Variants in CLP1 observed in about 807,000 individuals in gnomAD.
CLP1 encodes the protein cleavage factor polyribonucleotide kinase subunit 1.
Under a neutral mutation model 29.9 loss-of-function variants are expected in CLP1, and 18 were observed. The ratio of observed to expected loss-of-function variants is 0.60; its 90% CI spans 0.42 to 0.89. CLP1 has a LOEUF of 0.89. Among genes scored for constraint, CLP1 ranks in the 40% least tolerant of loss-of-function variants. The probability of loss-of-function intolerance (pLI) is 0.00; values close to 1 mark genes in which losing one functional copy is unlikely to be tolerated. For synonymous variants in CLP1, 162 were observed against 206.2 expected, an observed-to-expected ratio of 0.79 and a Z score of 1.84; for missense variants, 357 against 544.8, an observed-to-expected ratio of 0.66 and a Z score of 3.43.
At position 57,661,459 on chromosome 11, in the gene CLP1, CCTGGGACATAGAGATCAT is replaced by C. The variant is rs1419398538; in HGVS notation, c.*28_*45del. On this transcript the variant is annotated 3_prime_UTR_variant, in exon 3 of 3. Transcript: ENST00000533682. Reference sequence around the variant, plus strand: ...TAGAGATCAGCAGGAAGCCTTGCTGCCTGGGACATAGAGATCATCTGGCCACCCCTAGAGGCAGATGGG... The same window carrying C: ...TAGAGATCAGCAGGAAGCCTTGCTGCCTGGCCACCCCTAGAGGCAGATGGG... 1 of 1,580,626 alleles carries C rather than the reference CCTGGGACATAGAGATCAT, an allele frequency of 6.3e-7. No individual in the cohort carries two copies. Among genetic ancestry groups the C allele is most frequent in the Non-Finnish European group, 8.6e-7 (1 of 1,161,158 alleles).
chr11:57,659,144 C>G (rs1442057405), intron 1 of CLP1, among the ~76,000 whole-genome samples: 1 of 148,096 alleles, frequency 6.8e-6, no homozygotes, highest in Non-Finnish European at 1.5e-5. Context: ...CATGCAGTGG[C>G]ACAATCTCGG....
chr11:57,658,057 C>G (rs993860501), intron 1 of CLP1, among the ~76,000 whole-genome samples, 197 bp downstream of exon 1: 3 of 152,074 alleles, frequency 2.0e-5, no homozygotes, highest in Non-Finnish European at 4.4e-5. Flanking sequence ...TTACGAAGTG[C>G]TTTTTTTTCC....
At chr11:57,659,171 C>T (rs1945849062) in intron 1 of CLP1, among the ~76,000 whole-genome samples, 2 of 150,334 alleles carry the variant, frequency 1.3e-5, no homozygotes, top group African/African-American at 4.9e-5. Flanking sequence ...GCAGCCTCTG[C>T]CACCTGGGTT....
Position 57,661,610 on chromosome 11 carries a change from T to G in CLP1, c.*174T>G. 1 of 592,836 alleles carries G rather than the reference T, an allele frequency of 1.7e-6. No individual in the cohort carries two copies. Among genetic ancestry groups the G allele is most frequent in the South Asian group, 2.2e-5 (1 of 44,664 alleles). 36.7% of individuals were successfully genotyped at this position (592,836 alleles called of 1,614,324 possible). A position where few individuals can be genotyped will look rare whatever the true frequency, so the allele number is the denominator to read the frequency against. ...AGTGGTAACCTGACTCTTCTAATCT[T>G]GAACCAAAAGGAAAACCATGAGACT... On this transcript the variant is annotated 3_prime_UTR_variant, in exon 3 of 3. Transcript: ENST00000533682.
chr11:57,659,338 C>T (rs1945851442), intron 1 of CLP1, 117 bp from the exon 2 acceptor site: 1 of 945,390 alleles, frequency 1.1e-6, no homozygotes. Flanking sequence ...ATCCAGCCAC[C>T]TCGGCTTCCC....
intron 1 of CLP1, among the ~76,000 whole-genome samples, chr11:57,658,150 G>C (rs1044033234): frequency 6.6e-6 from 1 of 152,234 alleles, no homozygotes; most frequent in Admixed American, 6.5e-5. Context: ...CAAAGGTTCA[G>C]AGAAGTTAAG....
In CLP1 at chr11:57,660,915, G is replaced by A; in HGVS notation, c.757G>A (p.Val253Ile). 1.2e-6 allele frequency: 2 copies of A among 1,614,230 alleles called. No individual in the cohort carries two copies. Among genetic ancestry groups the A allele is most frequent in the African/African-American group, 1.3e-5 (1 of 75,066 alleles). Residue 253 changes from valine (V) to isoleucine (I), a missense_variant, in exon 3 of 3, where the codon GTC becomes ATC. By Grantham distance (29) the Val-to-Ile change is conservative (BLOSUM62 3). Transcript: ENST00000533682. ...TGCAGCCTCAGCTTTTGAGGTGGAT[G>A]TCGTTGTTGTTCTGGATCAAGAACG... ...VHAASAFEVD[V>I]VVVLDQERLY...
Position 57,659,616 on chromosome 11 carries a change from C to G in CLP1, c.140C>G (p.Thr47Arg). 6.2e-7 allele frequency: 1 copy of G among 1,614,092 alleles called. No individual in the cohort carries two copies. The highest frequency in any genetic ancestry group is 1.1e-5 in the South Asian group (1 of 91,072). ...LLTGMAEIFG[T>R]ELTRNKKFTF... is the part of the protein sequence containing the mutation. ...ACTGGCATGGCAGAGATCTTTGGCA[C>G]AGAGCTGACCCGAAACAAGAAATTC... The change falls in exon 2 of 3, where the codon ACA becomes AGA. Residue 47 changes from threonine (T) to arginine (R), a missense_variant. Transcript: ENST00000533682.
In CLP1 at chr11:57,658,710, A is replaced by G. The variant is rs1170907634; in HGVS notation, c.-22-745A>G. Among the ~76,000 whole-genome samples the G allele has an allele frequency of 2.0e-5, 3 of 151,950 alleles. 1 individual carries two copies. The highest frequency in any genetic ancestry group is 4.4e-5 in the Non-Finnish European group (3 of 67,980). On this transcript the variant is annotated intron_variant, in intron 1 of 2. Transcript: ENST00000533682. ...AGTGGCATGATCTCGCCTCACTGCA[A>G]CCCTGCAACCTCCACCTCCTGGGTT...
In CLP1 at chr11:57,660,968, C is replaced by T. The variant is rs951442414; in HGVS notation, c.810C>T (p.Leu270=). 8 of 1,614,044 alleles carry T rather than the reference C, an allele frequency of 5.0e-6. No homozygotes were observed. In the African/African-American group the frequency reaches 8.0e-5, roughly 16 times the overall value. Residue 270 remains leucine (L), a synonymous_variant, in exon 3 of 3, where the codon CTC becomes CTT. Coordinates refer to ENST00000533682, the MANE Select transcript of CLP1 (RefSeq NM_006831.3). Reference sequence around the variant, plus strand: ...TGTACAATGAACTGAAACGGGACCTCCCCCACTTTGTACGCACTGTGCTGC... The same window carrying T: ...TGTACAATGAACTGAAACGGGACCTTCCCCACTTTGTACGCACTGTGCTGC... ...ERLYNELKRD[L]PHFVRTVLLP... is the part of the protein sequence containing the mutation.
At chr11:57,660,698 AGAG>A in intron 2 of CLP1, 64 bp from the exon 3 acceptor site, 1 of 1,304,782 alleles carries the variant, frequency 7.7e-7, no homozygotes, top group South Asian at 1.4e-5. Flanking sequence ...CTTATTCTAA[AGAG>A]GAACAAAGTA....
chr11:57,659,709 G>T lies in CLP1; in HGVS notation c.233G>T (p.Arg78Leu), dbSNP rs752132257. ...WHGCSVQLSG[R>L]TEVAYVSKDT... ...GGCTGTTCTGTGCAACTGAGCGGCC[G>T]CACTGAGGTGGCTTATGTCTCCAAG... The change falls in exon 2 of 3, where the codon CGC becomes CTC. Residue 78 changes from arginine (R) to leucine (L), a missense_variant. By Grantham distance (102) the Arg-to-Leu change is moderately radical (BLOSUM62 -2). Coordinates refer to ENST00000533682, the MANE Select transcript of CLP1 (RefSeq NM_006831.3). The T allele has an allele frequency of 6.2e-7, 1 of 1,614,122 alleles. No individual in the cohort carries two copies. The highest frequency in any genetic ancestry group is 1.7e-5 in the Admixed American group (1 of 60,006).
In CLP1 at chr11:57,659,452, T is replaced by C. The variant is rs1205440092; in HGVS notation, c.-22-3T>C. The C allele has an allele frequency of 2.5e-6, 4 of 1,612,736 alleles. No homozygotes were observed. In the African/African-American group the frequency reaches 4.0e-5, roughly 16 times the overall value. On this transcript the variant is annotated splice_region_variant and splice_polypyrimidine_tract_variant and intron_variant, in intron 1 of 2. Transcript: ENST00000533682. Reference sequence around the variant, plus strand: ...TAGATCTGATATTTAATTTGTGTTCTAGGCACAGCAGCTACACAGAAGAGA... The same window carrying C: ...TAGATCTGATATTTAATTTGTGTTCCAGGCACAGCAGCTACACAGAAGAGA...
chr11:57,658,713 C>T (rs947741976), intron 1 of CLP1, among the ~76,000 whole-genome samples: 1 of 152,104 alleles, frequency 6.6e-6, no homozygotes, highest in African/African-American at 2.4e-5. Context: ...CACTGCAACC[C>T]TGCAACCTCC....
chr11:57,657,930 G>A (rs1180630858), intron 1 of CLP1, 70 bp downstream of exon 1: 1 of 152,214 alleles, frequency 6.6e-6, no homozygotes. Flanking sequence ...GGTGTCTGGG[G>A]AGATTTTGGT....
chr11:57,659,843 A>G lies in CLP1; in HGVS notation c.367A>G (p.Thr123Ala). 6.2e-7 allele frequency: 1 copy of G among 1,614,170 alleles called. No individual in the cohort carries two copies. Among genetic ancestry groups the G allele is most frequent in the Non-Finnish European group, 8.5e-7 (1 of 1,180,042 alleles). Residue 123 changes from threonine to alanine, a missense_variant, in exon 2 of 3, where the codon ACT becomes GCT. By Grantham distance (58) the Thr-to-Ala change is moderately conservative (BLOSUM62 0). Transcript: ENST00000533682. ...TCCCCGAGTGATGGTAGTGGGCCCC[A>G]CTGATGTGGGCAAGTCTACAGTGTG... ...RGPRVMVVGP[T>A]DVGKSTVCRL... is the part of the protein sequence containing the mutation.
chr11:57,660,090 C>G lies in CLP1; in HGVS notation c.606+8C>G. On this transcript the variant is annotated splice_region_variant and intron_variant, in intron 2 of 2. Coordinates refer to ENST00000533682, the MANE Select transcript of CLP1 (RefSeq NM_006831.3). ...ATCAAGCTTTATAATAAGGTCAGAG[C>G]CAGAGAAAGGTGGGGTGGAGGGAAG... 1 of 1,546,098 alleles carries G rather than the reference C, an allele frequency of 6.5e-7. No individual in the cohort carries two copies. Among genetic ancestry groups the G allele is most frequent in the Non-Finnish European group, 8.7e-7 (1 of 1,144,872 alleles).
intron 2 of CLP1, 115 bp downstream of exon 2, chr11:57,660,197 T>A: frequency 9.0e-7 from 1 of 1,108,134 alleles, no homozygotes; most frequent in Non-Finnish European, 1.2e-6. Flanking sequence ...TGCATTACTT[T>A]AGAAAGGCAA....
Position 57,660,827 on chromosome 11 carries a change from G to C in CLP1, c.669G>C (p.Val223=). The change falls in exon 3 of 3, where the codon GTG becomes GTC. Residue 223 remains valine (V), a synonymous_variant. Transcript: ENST00000533682. ...GTGAGGTGAACCGAAGGGCATCTGTGAGTGGCTGTGTCATTAACACCTGTG... is the reference window on the plus strand; with the variant it reads ...GTGAGGTGAACCGAAGGGCATCTGTCAGTGGCTGTGTCATTAACACCTGTG... The part of the protein sequence containing the change: ...QRCEVNRRAS[V]SGCVINTCGW... 6.2e-7 allele frequency: 1 copy of C among 1,613,566 alleles called. No homozygotes were observed. The highest frequency in any genetic ancestry group is 8.5e-7 in the Non-Finnish European group (1 of 1,179,528).
Sources: gnomAD v4.1 joint callset for allele counts (sites outside exome capture counted in the v4.1 genomes callset) on GRCh38, gnomAD v4.1.1 for gene constraint, MANE v1.5 for transcripts, NCBI Gene and HGNC (gene_info 2026-07-23, HGNC 2026-07-21) for gene names.